Variants in MMP26 observed in about 807,000 individuals in gnomAD.
The protein encoded by MMP26 is matrix metalloproteinase-26.
MMP26 carries 33 observed loss-of-function variants against 31.0 expected under a neutral mutation model. The ratio of observed to expected loss-of-function variants is 1.06; its 90% confidence interval spans 0.81 to 1.42. MMP26 has a LOEUF of 1.42. Ranked by LOEUF, MMP26 falls within the 40% of genes most tolerant of loss-of-function variation. The pLI, the probability that MMP26 is intolerant of heterozygous loss-of-function variation, is 0.00. For synonymous variants in MMP26, 122 were observed against 114.9 expected, an observed-to-expected ratio of 1.06 and a Z score of -0.40; for missense variants, 347 against 316.1, an observed-to-expected ratio of 1.10 and a Z score of -0.74.
At chr11:4,878,352 G>A (rs1439033812) in intron 2 of MMP26, among the ~76,000 whole-genome samples, 1 of 151,802 alleles carries the variant, frequency 6.6e-6, no homozygotes, top group Non-Finnish European at 1.5e-5. Context: ...ATTTTCTTTT[G>A]CCTTTATTTG....
intron 2 of MMP26, among the ~76,000 whole-genome samples, chr11:4,983,813 T>C (rs574956174): frequency 1.3e-5 from 2 of 152,242 alleles, no homozygotes; most frequent in Non-Finnish European, 2.9e-5. Flanking sequence ...ATCAGCAGCA[T>C]TGGCATCACC....
chr11:4,840,272 A>G (rs1469753520), intron 2 of MMP26, among the ~76,000 whole-genome samples: 1 of 152,238 alleles, frequency 6.6e-6, no homozygotes, highest in East Asian at 1.9e-4. Context: ...AGGAAAGGAC[A>G]CAGGCCTGGC....
chr11:4,940,669 G>C (rs1219124770), intron 2 of MMP26, among the ~76,000 whole-genome samples: 1 of 152,150 alleles, frequency 6.6e-6, no homozygotes, highest in Non-Finnish European at 1.5e-5. Context: ...ATACTTGATG[G>C]AAAAGCTTCT....
chr11:4,904,183 C>G (rs186419126), intron 2 of MMP26, among the ~76,000 whole-genome samples: 13 of 152,192 alleles, frequency 8.5e-5, no homozygotes, highest in Admixed American at 2.6e-4. Context: ...TAGAGACTAT[C>G]AGACAGCCTA....
In MMP26 at chr11:4,705,042, C is replaced by CT. The variant is rs1847756845; in HGVS notation, c.-220_-219insT. The CT allele has an allele frequency of 6.6e-6, 1 of 152,152 alleles. No individual in the cohort carries two copies. The highest frequency in any genetic ancestry group is 1.5e-5 in the Non-Finnish European group (1 of 68,042). 9.4% of individuals were successfully genotyped at this position (152,152 alleles called of 1,614,324 possible). ...CTTCCAGACCCAAGAATTCTGTGCA[C>CT]AAGGTCAGTGTTGTAGTGCATTGAA... On this transcript the variant is annotated 5_prime_UTR_variant, in exon 1 of 8. Transcript: ENST00000380390.
At chr11:4,866,764 C>A (rs1432982332) in intron 2 of MMP26, among the ~76,000 whole-genome samples, 1 of 151,978 alleles carries the variant, frequency 6.6e-6, no homozygotes, top group Non-Finnish European at 1.5e-5. Flanking sequence ...GAACAGAAAA[C>A]CCAGAAAGAA....
chr11:4,920,117 G>A (rs1851161184), intron 2 of MMP26, among the ~76,000 whole-genome samples: 1 of 152,006 alleles, frequency 6.6e-6, no homozygotes, highest in African/African-American at 2.4e-5. Flanking sequence ...ATGAAGGGAG[G>A]GAATAGGCTA....
intron 2 of MMP26, among the ~76,000 whole-genome samples, chr11:4,844,668 A>G (rs989074989): frequency 6.6e-6 from 1 of 152,198 alleles, no homozygotes; most frequent in African/African-American, 2.4e-5. Context: ...AAACCATATG[A>G]TCATTTCAAT....
intron 2 of MMP26, chr11:4,881,977 T>C (rs1850471828): frequency 1.9e-6 from 3 of 1,613,932 alleles, no homozygotes; most frequent in Non-Finnish European, 2.5e-6. Context: ...AATGTGCTCA[T>C]GTCTGGATCT....
intron 2 of MMP26, among the ~76,000 whole-genome samples, chr11:4,808,204 A>G (rs990550864): frequency 6.6e-6 from 1 of 152,102 alleles, no homozygotes; most frequent in African/African-American, 2.4e-5. Flanking sequence ...ACAAGATCAC[A>G]CAGCAACTAA....
Position 4,707,726 on chromosome 11 carries a change from T to C in MMP26, c.-217+2681T>C, listed in dbSNP as rs568088001. On this transcript the variant is annotated intron_variant, in intron 1 of 7. Coordinates refer to ENST00000380390, the MANE Select transcript of MMP26 (RefSeq NM_021801.5). ...ACTTATAATTTGAGGGGGCCACATA[T>C]CGGGAATCACACATATGTGGAAATA... 3.3e-5 allele frequency among the ~76,000 whole-genome samples: 5 copies of C among 152,336 alleles called. No homozygotes were observed. The South Asian group carries it at 1.0e-3, about 32-fold the overall frequency.
At chr11:4,939,930 T>A (rs1846184362) in intron 2 of MMP26, among the ~76,000 whole-genome samples, 1 of 152,208 alleles carries the variant, frequency 6.6e-6, no homozygotes, top group Admixed American at 6.5e-5. Flanking sequence ...ACAGCTAAAA[T>A]AGTCTTATGT....
chr11:4,981,262 C>G (rs754752211), intron 2 of MMP26, among the ~76,000 whole-genome samples: 1 of 151,834 alleles, frequency 6.6e-6, no homozygotes. Context: ...GTATGTCATA[C>G]AACGCTTAAT....
In MMP26 at chr11:4,836,826, AT is replaced by A. The variant is rs551669223; in HGVS notation, c.-145+69499del. ...AGGTGTGCACCACCATGCCCAGCTA[AT>A]TTTTTTTTTTTTTGTATTTTTGGTA... On this transcript the variant is annotated intron_variant, in intron 2 of 7. Transcript: ENST00000380390. Among the ~76,000 whole-genome samples the A allele has an allele frequency of 2.6e-3, 366 of 142,196 alleles. 1 individual carries two copies. Among genetic ancestry groups the A allele is most frequent in the Middle Eastern group, 3.7e-3 (1 of 272 alleles). 93.3% of individuals were successfully genotyped at this position (142,196 alleles called of 152,430 possible). A position where few individuals can be genotyped will look rare whatever the true frequency, so the allele number is the denominator to read the frequency against.
chr11:4,838,315 TAAAAAAAAAAAAAAAAAAAAAAAAAAA>T (rs540572047), intron 2 of MMP26, among the ~76,000 whole-genome samples: 6 of 27,406 alleles, frequency 2.2e-4, no homozygotes, highest in East Asian at 1.3e-3. Context: ...AGACTCTGTC[TAAAAAAAAAAAAAAAAAAAAAAAAAAA>T]AAAAAAAAAA....
chr11:4,982,101 A>C (rs996719988), intron 2 of MMP26, among the ~76,000 whole-genome samples: 12 of 151,886 alleles, frequency 7.9e-5, no homozygotes, highest in African/African-American at 2.9e-4. Flanking sequence ...ACATACATAC[A>C]TATATACAAT....
chr11:4,744,901 T>C (rs7127782), intron 1 of MMP26, among the ~76,000 whole-genome samples: 6,655 of 152,184 alleles, frequency 0.044, 465 homozygotes, highest in African/African-American at 0.15. Context: ...CCTCTTCTTC[T>C]TTATATTTTG....
At chr11:4,891,711 A>G (rs1023580531) in intron 2 of MMP26, among the ~76,000 whole-genome samples, 1 of 152,176 alleles carries the variant, frequency 6.6e-6, no homozygotes, top group Non-Finnish European at 1.5e-5. Context: ...TGTATGACCA[A>G]TTCATAATGG....
chr11:4,915,580 C>T (rs1221499541), intron 2 of MMP26: 2 of 1,613,932 alleles, frequency 1.2e-6, no homozygotes, highest in African/African-American at 1.3e-5. Flanking sequence ...TCCAGATGTG[C>T]ATGCGCTCCA....
Sources: gnomAD v4.1 joint callset for allele counts (sites outside exome capture counted in the v4.1 genomes callset) on GRCh38, gnomAD v4.1.1 for gene constraint, MANE v1.5 for transcripts, NCBI Gene and HGNC (gene_info 2026-07-23, HGNC 2026-07-21) for gene names.